PCDH15: variants seen among roughly 807,000 people sequenced by gnomAD.
PCDH15 encodes the protein protocadherin related 15, also known as protocadherin-15.
A neutral mutation model predicts 178.5 loss-of-function variants in PCDH15; 129 were observed. The ratio of observed to expected loss-of-function variants is 0.72; its 90% CI spans 0.63 to 0.84. PCDH15 has a LOEUF of 0.84. Among genes scored for constraint, PCDH15 ranks in the 40% least tolerant of loss-of-function variants. The pLI, the probability that PCDH15 is intolerant of heterozygous loss-of-function variation, is 0.00. For synonymous variants in PCDH15, 800 were observed against 732.0 expected (o/e 1.09, Z -1.50); for missense variants, 2,230 against 2,099.9 (o/e 1.06, Z -1.21).
At chr10:55,309,827 T>A (rs1483437286) in intron 1 of PCDH15, among the ~76,000 whole-genome samples, 2 of 152,204 alleles carry the variant, frequency 1.3e-5, no homozygotes, top group Non-Finnish European at 2.9e-5. Context: ...AAATCAATCC[T>A]TTAATGTCTT....
At position 54,917,219 on chromosome 10, in the gene PCDH15, G is replaced by A. The variant is rs537619292; in HGVS notation, c.-79-19719C>T. Among the ~76,000 whole-genome samples, 24 of 152,256 alleles carry A rather than the reference G, an allele frequency of 1.6e-4. No homozygotes were observed. The South Asian group carries it at 5.0e-3, about 32-fold the overall frequency. ...TGGTGGGTAATATTTTCTGTGTTTA[G>A]TAGACATGAAATTTATCAATTTAGA... On this transcript the variant is annotated intron_variant, in intron 2 of 5. Coordinates refer to the PCDH15 transcript ENST00000458638.
At chr10:55,199,732 T>C (rs534641646) in intron 1 of PCDH15, among the ~76,000 whole-genome samples, 19 of 152,154 alleles carry the variant, frequency 1.2e-4, no homozygotes, top group African/African-American at 4.1e-4. Flanking sequence ...TGCTGCTCTT[T>C]GCAGCCTCAG....
intron 1 of PCDH15, among the ~76,000 whole-genome samples, chr10:54,777,758 T>C (rs1044967066): frequency 6.6e-6 from 1 of 152,150 alleles, no homozygotes; most frequent in Non-Finnish European, 1.5e-5. Context: ...TGAAGAATAA[T>C]TGAAAAGAAA....
chr10:54,134,472 G>C (rs140141494), intron 14 of PCDH15, among the ~76,000 whole-genome samples: 426 of 152,212 alleles, frequency 2.8e-3, no homozygotes, highest in Middle Eastern at 0.014. Context: ...AAGAAATTCA[G>C]GCTGGGCACG....
intron 2 of PCDH15, among the ~76,000 whole-genome samples, chr10:55,499,106 A>C (rs1840597475): frequency 6.6e-6 from 1 of 151,864 alleles, no homozygotes; most frequent in Non-Finnish European, 1.5e-5. Flanking sequence ...GAATTTTCAC[A>C]TAATTTTCAT....
intron 6 of PCDH15, among the ~76,000 whole-genome samples, chr10:54,335,217 C>A (rs2133977852): frequency 6.6e-6 from 1 of 152,284 alleles, no homozygotes; most frequent in Non-Finnish European, 1.5e-5. Context: ...AAGAGAAAGT[C>A]CCAACACTCT....
At chr10:55,550,275 A>C (rs1841977860) in intron 2 of PCDH15, among the ~76,000 whole-genome samples, 3 of 152,082 alleles carry the variant, frequency 2.0e-5, no homozygotes, top group Non-Finnish European at 4.4e-5. Flanking sequence ...ATGGGTGGTG[A>C]AACTTACTCT....
At chr10:54,012,286 G>A (rs2092612090) in intron 20 of PCDH15, among the ~76,000 whole-genome samples, 1 of 151,306 alleles carries the variant, frequency 6.6e-6, no homozygotes, top group East Asian at 1.9e-4. Context: ...GAAACATATG[G>A]GATTATGTGA....
At chr10:55,286,520 T>G (rs909299846) in intron 1 of PCDH15, among the ~76,000 whole-genome samples, 2 of 151,830 alleles carry the variant, frequency 1.3e-5, no homozygotes, top group South Asian at 4.1e-4. Flanking sequence ...TTTTGGTCTA[T>G]GTAATTTCTT....
At chr10:54,473,353 T>A (rs759108282) in intron 3 of PCDH15, among the ~76,000 whole-genome samples, 2 of 152,150 alleles carry the variant, frequency 1.3e-5, no homozygotes, top group Non-Finnish European at 2.9e-5. Context: ...TTGTCCTTGA[T>A]AAATGTTCTA....
At chr10:54,144,943 G>A (rs1057164995) in intron 14 of PCDH15, among the ~76,000 whole-genome samples, 1 of 152,068 alleles carries the variant, frequency 6.6e-6, no homozygotes, top group Non-Finnish European at 1.5e-5. Flanking sequence ...AAAATAAACT[G>A]GAGAATTTTT....
chr10:54,173,866 G>A (rs2047149934), intron 13 of PCDH15, among the ~76,000 whole-genome samples: 1 of 152,226 alleles, frequency 6.6e-6, no homozygotes, highest in Admixed American at 6.5e-5. Flanking sequence ...GATAATAAAG[G>A]GGTAACATTG....
At chr10:53,922,528 A>C (rs573391215) in intron 25 of PCDH15, among the ~76,000 whole-genome samples, 38 of 152,306 alleles carry the variant, frequency 2.5e-4, no homozygotes, top group African/African-American at 7.2e-4. Flanking sequence ...AAGTAATTTC[A>C]TATATACAAT....
At chr10:54,344,904 C>CAAAAAAAAAAAAAA (rs57295345) in intron 6 of PCDH15, among the ~76,000 whole-genome samples, 6 of 78,890 alleles carry the variant, frequency 7.6e-5, no homozygotes, top group Non-Finnish European at 1.2e-4. Flanking sequence ...AGAAACAAAG[C>CAAAAAAAAAAAAAA]AAAAAAAAAA....
chr10:54,154,996 G>C (rs2044952066), intron 13 of PCDH15, among the ~76,000 whole-genome samples: 1 of 151,970 alleles, frequency 6.6e-6, no homozygotes, highest in African/African-American at 2.4e-5. Flanking sequence ...TAGAGGATGG[G>C]GATAACAGAG....
chr10:55,542,638 CAT>C (rs897380391), intron 2 of PCDH15, among the ~76,000 whole-genome samples: 2 of 136,950 alleles, frequency 1.5e-5, no homozygotes, highest in African/African-American at 5.4e-5. Context: ...TACATACAGA[CAT>C]ATGTATGTGT....
At chr10:55,385,138 C>A (rs909578486) in intron 2 of PCDH15, among the ~76,000 whole-genome samples, 8 of 151,932 alleles carry the variant, frequency 5.3e-5, no homozygotes, top group African/African-American at 1.9e-4. Flanking sequence ...TAAATGATTC[C>A]ATATACATAA....
chr10:55,191,189 C>T (rs1839935204), intron 1 of PCDH15, among the ~76,000 whole-genome samples: 2 of 151,238 alleles, frequency 1.3e-5, no homozygotes, highest in South Asian at 4.1e-4. Flanking sequence ...CCTATTGAAT[C>T]TTTATTATAG....
At chr10:55,364,111 C>A (rs1186648424) in intron 2 of PCDH15, among the ~76,000 whole-genome samples, 1 of 152,012 alleles carries the variant, frequency 6.6e-6, no homozygotes, top group Non-Finnish European at 1.5e-5. Flanking sequence ...AGGGGCTCTC[C>A]CCACTCCGCT....
Sources: allele counts gnomAD v4.1 joint callset (sites outside exome capture counted in the v4.1 genomes callset), GRCh38; gene constraint gnomAD v4.1.1; transcripts MANE v1.5; gene names NCBI Gene and HGNC (gene_info 2026-07-23, HGNC 2026-07-21).